The following CCSER1 variants were observed in gnomAD, a reference collection of about 807,000 sequenced individuals.
CCSER1 encodes coiled-coil serine rich protein 1.
In CCSER1, 41 loss-of-function variants were observed where a neutral mutation model predicts 82.0. That is an observed-to-expected ratio of 0.50 (90% confidence interval 0.39 to 0.65). The LOEUF (loss-of-function observed/expected upper bound fraction) is 0.65. Among genes scored for constraint, CCSER1 ranks in the 30% least tolerant of loss-of-function variants. CCSER1 has a pLI of 0.00. For missense variants in CCSER1, 1,119 were observed against 1,064.2 expected (o/e 1.05, Z -0.72); for synonymous variants, 414 against 383.9 (o/e 1.08, Z -0.92).
intron 10 of CCSER1, among the ~76,000 whole-genome samples, chr4:91,401,118 T>A (rs868314866): frequency 2.6e-5 from 4 of 151,830 alleles, no homozygotes; most frequent in Middle Eastern, 3.4e-3. Context: ...TGTGCTGTTT[T>A]ATTTATTTAA....
chr4:90,988,912 T>A (rs1736804013), intron 9 of CCSER1, among the ~76,000 whole-genome samples: 1 of 151,798 alleles, frequency 6.6e-6, no homozygotes. Flanking sequence ...TTACTTTCCC[T>A]TTTTGAAAGT....
intron 10 of CCSER1, among the ~76,000 whole-genome samples, chr4:91,437,558 A>C (rs1011060566): frequency 9.2e-5 from 14 of 152,354 alleles, no homozygotes; most frequent in African/African-American, 3.4e-4. Context: ...GCGATGCAGA[A>C]GACGGGTGAT....
chr4:90,377,980 A>G (rs1235185296), intron 3 of CCSER1, among the ~76,000 whole-genome samples: 1 of 152,060 alleles, frequency 6.6e-6, no homozygotes, highest in Non-Finnish European at 1.5e-5. Context: ...TCTCCTAGTC[A>G]TTTAGTTTTT....
chr4:90,138,352 C>T (rs1189562238), intron 1 of CCSER1, among the ~76,000 whole-genome samples: 1 of 152,148 alleles, frequency 6.6e-6, no homozygotes, highest in African/African-American at 2.4e-5. Flanking sequence ...CCACTACGCC[C>T]AACTAAGAAT....
intron 1 of CCSER1, among the ~76,000 whole-genome samples, chr4:90,148,303 G>T (rs1726195107): frequency 6.6e-6 from 1 of 152,120 alleles, no homozygotes; most frequent in Admixed American, 6.5e-5. Flanking sequence ...AATAGTACTT[G>T]TAATTTCTGA....
intron 10 of CCSER1, among the ~76,000 whole-genome samples, chr4:91,250,729 A>G (rs1740185221): frequency 6.6e-6 from 1 of 151,736 alleles, no homozygotes; most frequent in Non-Finnish European, 1.5e-5. Context: ...TTGAACTTGA[A>G]GAATTTTTTT....
chr4:91,087,596 T>G (rs1723514537), intron 10 of CCSER1, among the ~76,000 whole-genome samples: 1 of 152,088 alleles, frequency 6.6e-6, no homozygotes, highest in Non-Finnish European at 1.5e-5. Context: ...ATTGTAATAA[T>G]TTACAATTTA....
chr4:90,987,090 T>C (rs1736638275), intron 9 of CCSER1, among the ~76,000 whole-genome samples: 1 of 151,684 alleles, frequency 6.6e-6, no homozygotes, highest in Non-Finnish European at 1.5e-5. Context: ...ATTGAACTGC[T>C]AAATCAGCTT....
At chr4:90,241,055 C>T (rs1746738803) in intron 1 of CCSER1, among the ~76,000 whole-genome samples, 2 of 152,094 alleles carry the variant, frequency 1.3e-5, no homozygotes, top group African/African-American at 4.8e-5. Flanking sequence ...ACTGTTTAGC[C>T]CCAGAGTGTG....
At chr4:90,983,072 T>A (rs911539198) in intron 9 of CCSER1, among the ~76,000 whole-genome samples, 8 of 151,792 alleles carry the variant, frequency 5.3e-5, no homozygotes, top group Admixed American at 5.3e-4. Context: ...ATATTCATTC[T>A]ACCCTGCCTC....
At chr4:90,700,039 C>G (rs1226944881) in intron 6 of CCSER1, among the ~76,000 whole-genome samples, 1 of 151,526 alleles carries the variant, frequency 6.6e-6, no homozygotes, top group East Asian at 1.9e-4. Flanking sequence ...GTACGACATG[C>G]AGGTTTGTTA....
chr4:91,125,067 T>C (rs1169289383), intron 10 of CCSER1, among the ~76,000 whole-genome samples: 1 of 151,784 alleles, frequency 6.6e-6, no homozygotes, highest in African/African-American at 2.4e-5. Flanking sequence ...TTTATGATTT[T>C]ATTTCTTTTA....
intron 10 of CCSER1, among the ~76,000 whole-genome samples, chr4:91,250,230 A>G (rs1740149228): frequency 6.6e-6 from 1 of 152,134 alleles, no homozygotes. Context: ...GGCTTGAAAA[A>G]AAAATGCAAA....
chr4:90,162,411 A>G (rs965136188), intron 1 of CCSER1, among the ~76,000 whole-genome samples: 2 of 152,130 alleles, frequency 1.3e-5, no homozygotes, highest in African/African-American at 4.8e-5. Context: ...GTATCTGATA[A>G]TGACATAATG....
At chr4:91,420,695 C>T (rs1288456082) in intron 10 of CCSER1, among the ~76,000 whole-genome samples, 1 of 151,946 alleles carries the variant, frequency 6.6e-6, no homozygotes. Flanking sequence ...GGTTATATGT[C>T]CAAAGGAAAT....
chr4:90,466,534 C>T (rs573763519), intron 4 of CCSER1, among the ~76,000 whole-genome samples: 40 of 152,280 alleles, frequency 2.6e-4, no homozygotes, highest in South Asian at 6.2e-4. Context: ...TTGATTTTGG[C>T]CTTGTAAGAC....
At chr4:90,302,064 G>T (rs956858601) in intron 1 of CCSER1, among the ~76,000 whole-genome samples, 1 of 152,066 alleles carries the variant, frequency 6.6e-6, no homozygotes, top group Non-Finnish European at 1.5e-5. Context: ...TTACCCTCAG[G>T]ATTATAAGAT....
At chr4:90,703,492 C>A (rs13103351) in intron 6 of CCSER1, among the ~76,000 whole-genome samples, 20,392 of 152,066 alleles carry the variant, frequency 0.13, 1,562 homozygotes, top group East Asian at 0.27. Flanking sequence ...ATTAGGTCCG[C>A]TTGATGTAGA....
At chr4:90,552,560 C>T (rs149324084) in intron 5 of CCSER1, among the ~76,000 whole-genome samples, 3 of 151,556 alleles carry the variant, frequency 2.0e-5, no homozygotes, top group Non-Finnish European at 2.9e-5. Flanking sequence ...CGGGCTCAAG[C>T]GATTCTCCCA....
Sources: gnomAD v4.1 joint callset for allele counts (sites outside exome capture counted in the v4.1 genomes callset) on GRCh38, gnomAD v4.1.1 for gene constraint, MANE v1.5 for transcripts, NCBI Gene and HGNC (gene_info 2026-07-23, HGNC 2026-07-21) for gene names.